The following TMEM255B variants were observed in gnomAD, a reference collection of about 807,000 sequenced individuals.
TMEM255B encodes the protein transmembrane protein 255B.
Under a neutral mutation model 34.5 loss-of-function variants are expected in TMEM255B, and 35 were observed. The ratio of observed to expected loss-of-function variants is 1.01; its 90% CI spans 0.77 to 1.34. TMEM255B has a LOEUF of 1.34. Among genes scored for constraint, TMEM255B ranks in the 40% most tolerant of loss-of-function variants. The probability of loss-of-function intolerance (pLI) is 0.00; values close to 1 mark genes in which losing one functional copy is unlikely to be tolerated. For synonymous variants in TMEM255B, 206 were observed against 201.2 expected, an observed-to-expected ratio of 1.02 and a Z score of -0.20; for missense variants, 432 against 433.2, an observed-to-expected ratio of 1.00 and a Z score of 0.02.
At chr13:113,760,302 C>G (rs1361960074) in intron 1 of TMEM255B, among the ~76,000 whole-genome samples, 1 of 152,152 alleles carries the variant, frequency 6.6e-6, no homozygotes, top group East Asian at 1.9e-4. Context: ...GCAAAATGCT[C>G]TATGGTCAAA....
At position 113,811,716 on chromosome 13, in the gene TMEM255B, G is replaced by C. The variant is rs2051312268; in HGVS notation, c.814-20G>C. 6.2e-7 allele frequency: 1 copy of C among 1,612,874 alleles called. No individual in the cohort carries two copies. Among genetic ancestry groups the C allele is most frequent in the Non-Finnish European group, 8.5e-7 (1 of 1,179,652 alleles). On this transcript the variant is annotated intron_variant, in intron 8 of 8. Coordinates refer to ENST00000375353, the MANE Select transcript of TMEM255B (RefSeq NM_182614.4). ...GGGTGGTCTCACCTGCTAACCCAGG[G>C]CCCTCTCTGTTTATTGCAGCCCTGC...
At position 113,804,913 on chromosome 13, in the gene TMEM255B, C is replaced by T. The variant is rs139045071; in HGVS notation, c.698C>T (p.Pro233Leu). Residue 233 changes from proline to leucine, a missense_variant, in exon 8 of 9, where the codon CCA (proline) becomes CTA (leucine). Pro to Leu is a moderately conservative substitution (Grantham distance 98, BLOSUM62 -3). Transcript: ENST00000375353. Reference protein sequence around the residue: ...MVPLSQLAYGPAVPPQTLYNP... With the variant: ...MVPLSQLAYGLAVPPQTLYNP... Reference sequence around the variant, plus strand: ...CCTCTGTCCCAGCTGGCCTATGGCCCAGCCGTCCCACCACAGACCCTCTAC... The same window carrying T: ...CCTCTGTCCCAGCTGGCCTATGGCCTAGCCGTCCCACCACAGACCCTCTAC... The T allele has an allele frequency of 5.1e-3, 8,109 of 1,602,896 alleles. 41 individuals carry two copies. The highest frequency in any genetic ancestry group is 6.3e-3 in the Non-Finnish European group (7,431 of 1,179,296).
chr13:113,811,644 G>A (rs1261978736), intron 8 of TMEM255B, 92 bp from the exon 9 acceptor site: 26 of 1,467,992 alleles, frequency 1.8e-5, no homozygotes, highest in South Asian at 3.8e-5. Flanking sequence ...GGTGGGGAGC[G>A]TGTGAGTGGC....
intron 3 of TMEM255B, among the ~76,000 whole-genome samples, chr13:113,794,419 A>T (rs900218878): frequency 3.9e-5 from 6 of 151,972 alleles, no homozygotes; most frequent in African/African-American, 2.4e-5. Context: ...CTCTTTCCCG[A>T]GCCGACAACT....
intron 3 of TMEM255B, among the ~76,000 whole-genome samples, chr13:113,793,795 C>T (rs541461759): frequency 6.6e-6 from 1 of 152,358 alleles, no homozygotes; most frequent in South Asian, 2.1e-4. Context: ...CAGCGTGGTG[C>T]GCCCTGGACC....
At chr13:113,791,154 G>A (rs2050826451) in intron 3 of TMEM255B, among the ~76,000 whole-genome samples, 1 of 152,202 alleles carries the variant, frequency 6.6e-6, no homozygotes, top group South Asian at 2.1e-4. Context: ...CCTGTGTCCT[G>A]CCCAGGGCTG....
chr13:113,768,784 C>T, intron 2 of TMEM255B: 1 of 479,784 alleles, frequency 2.1e-6, no homozygotes, highest in Admixed American at 2.3e-5. Flanking sequence ...TGCTTGGTGG[C>T]CCTGGGTTCC....
chr13:113,763,757 C>A (rs951702337), intron 1 of TMEM255B, among the ~76,000 whole-genome samples: 1 of 152,222 alleles, frequency 6.6e-6, no homozygotes, highest in African/African-American at 2.4e-5. Context: ...ATCACACTTT[C>A]CAACATATAC....
At chr13:113,784,809 G>A (rs561338828) in intron 3 of TMEM255B, among the ~76,000 whole-genome samples, 3 of 151,982 alleles carry the variant, frequency 2.0e-5, no homozygotes, top group East Asian at 1.9e-4. Flanking sequence ...AGCCTGGGAC[G>A]AGCTGCCACT....
intron 8 of TMEM255B, among the ~76,000 whole-genome samples, chr13:113,805,288 C>T (rs1250299391): frequency 1.3e-5 from 2 of 152,182 alleles, no homozygotes; most frequent in African/African-American, 4.8e-5. Flanking sequence ...GGGGCTGGCC[C>T]CGCACAGGCC....
At chr13:113,796,005 A>ACAC in intron 4 of TMEM255B, among the ~76,000 whole-genome samples, 1 of 142,682 alleles carries the variant, frequency 7.0e-6, no homozygotes, top group South Asian at 2.4e-4. Context: ...AGCACACAAC[A>ACAC]CACAGAGCAC....
rs1160192705 is a variant in TMEM255B, at chr13:113,811,867, T to TC, written c.950dup (p.Glu319GlyfsTer17). 3 of 1,612,122 alleles carry TC rather than the reference T, an allele frequency of 1.9e-6. No individual in the cohort carries two copies. The highest frequency in any genetic ancestry group is 1.3e-5 in the African/African-American group (1 of 74,394). ...CACCGTGCTACGCACCCACCTACTT[T>TC]CCCCCGGGGGAGAAGCCACCCCCCT... On this transcript the variant is annotated frameshift_variant, in exon 9 of 9. Transcript: ENST00000375353. LOFTEE classifies it high-confidence loss of function.
intron 3 of TMEM255B, among the ~76,000 whole-genome samples, chr13:113,793,502 C>T (rs1594148007): frequency 6.6e-6 from 1 of 152,228 alleles, no homozygotes; most frequent in South Asian, 2.1e-4. Flanking sequence ...GGTGGGAGAA[C>T]CATCTCTCTG....
intron 3 of TMEM255B, among the ~76,000 whole-genome samples, chr13:113,784,416 A>G (rs1396610775): frequency 6.6e-6 from 1 of 152,136 alleles, no homozygotes; most frequent in African/African-American, 2.4e-5. Context: ...GGGAGGGCAG[A>G]TCTTACCAGT....
At position 113,769,207 on chromosome 13, in the gene TMEM255B, G is replaced by A. The variant is rs1343722041; in HGVS notation, c.252+47G>A. ...TGGGGAGCATGAGTCCCTCATCAGG[G>A]GATGGTACAGCTGCACTGGGGCTCT... On this transcript the variant is annotated intron_variant, in intron 3 of 8. Coordinates refer to ENST00000375353, the MANE Select transcript of TMEM255B (RefSeq NM_182614.4). The surrounding 1 kb of genome is among the most constrained non-coding windows in gnomAD (Gnocchi z 4.2). The A allele has an allele frequency of 2.3e-5, 37 of 1,600,184 alleles. No homozygotes were observed. Among genetic ancestry groups the A allele is most frequent in the Non-Finnish European group, 3.2e-5 (37 of 1,167,678 alleles).
At chr13:113,791,343 G>A (rs1409846235) in intron 3 of TMEM255B, among the ~76,000 whole-genome samples, 1 of 152,216 alleles carries the variant, frequency 6.6e-6, no homozygotes, top group African/African-American at 2.4e-5. Context: ...GGCATCTAGC[G>A]GGTGGCACCT....
chr13:113,793,646 T>C (rs2050870125), intron 3 of TMEM255B, among the ~76,000 whole-genome samples: 1 of 152,240 alleles, frequency 6.6e-6, no homozygotes, highest in Non-Finnish European at 1.5e-5. Context: ...CATCGGTGAC[T>C]GCCAAGCGTG....
In TMEM255B at chr13:113,801,716, C is replaced by T. The variant is rs922339496; in HGVS notation, c.573C>T (p.His191=). ...IGVSGCQDVL[H]LYRLLWASAV... is the part of the protein sequence containing the mutation. ...TCAGCGGCTGCCAGGACGTGCTGCA[C>T]CTGTACCGCCTGCTCTGGGCCTCTG... The change falls in exon 7 of 9, where the codon CAC becomes CAT. Residue 191 remains histidine (H), a synonymous_variant. Coordinates refer to ENST00000375353, the MANE Select transcript of TMEM255B (RefSeq NM_182614.4). 7 of 1,612,826 alleles carry T rather than the reference C, an allele frequency of 4.3e-6. No homozygotes were observed. Among genetic ancestry groups the T allele is most frequent in the Middle Eastern group, 1.7e-4 (1 of 6,058 alleles).
intron 2 of TMEM255B, among the ~76,000 whole-genome samples, chr13:113,766,727 A>G (rs1374942994): frequency 6.6e-6 from 1 of 152,220 alleles, no homozygotes; most frequent in East Asian, 1.9e-4. Flanking sequence ...AGTAACTTTA[A>G]ACGATTCCTA....
Sources: allele counts gnomAD v4.1 joint callset (sites outside exome capture counted in the v4.1 genomes callset), GRCh38; gene constraint gnomAD v4.1.1; non-coding constraint Gnocchi (gnomAD v3.1); transcripts MANE v1.5; gene names NCBI Gene and HGNC (gene_info 2026-07-23, HGNC 2026-07-21).